The following DCAF6 variants were observed in gnomAD, a reference collection of about 807,000 sequenced individuals.
DCAF6 encodes DDB1- and CUL4-associated factor 6.
A neutral mutation model predicts 125.1 loss-of-function variants in DCAF6; 54 were observed. That is an observed-to-expected ratio of 0.43 (90% CI 0.35 to 0.54). DCAF6 has a LOEUF of 0.54. DCAF6 is among the 20% of genes least tolerant of loss of function. The pLI is 0.01. For synonymous variants in DCAF6, 371 were observed against 390.4 expected, an observed-to-expected ratio of 0.95 and a Z score of 0.58; for missense variants, 934 against 1,161.7, an observed-to-expected ratio of 0.80 and a Z score of 2.85.
the DCAF6 span, among the ~76,000 whole-genome samples, chr1:167,875,882 G>T: frequency 6.6e-6 from 1 of 152,244 alleles, no homozygotes; most frequent in Admixed American, 6.5e-5. Flanking sequence ...GAACCCGGGA[G>T]GGGGAGCTTG....
the DCAF6 span, among the ~76,000 whole-genome samples, chr1:167,891,662 A>G: frequency 5.3e-5 from 8 of 151,552 alleles, no homozygotes; most frequent in Non-Finnish European, 1.2e-4. Context: ...TCTCAAAAAA[A>G]AAAAAAAAAG....
chr1:167,924,548 A>AG, the DCAF6 span: 1 of 1,516,278 alleles, frequency 6.6e-7, no homozygotes, highest in Non-Finnish European at 8.8e-7. Flanking sequence ...CTGAAAAAAA[A>AG]AAGAAAAGAA....
chr1:167,928,278 G>C, the DCAF6 span, among the ~76,000 whole-genome samples: 1 of 151,074 alleles, frequency 6.6e-6, no homozygotes, highest in Non-Finnish European at 1.5e-5. Flanking sequence ...AAGCCGGGAG[G>C]TGGAGCTTGC....
At chr1:168,030,824 G>A (rs1686990909) in intron 12 of DCAF6, among the ~76,000 whole-genome samples, 1 of 152,188 alleles carries the variant, frequency 6.6e-6, no homozygotes, top group Non-Finnish European at 1.5e-5. Context: ...TTTATTTATA[G>A]TGCTTTGTGG....
At chr1:167,927,366 G>T in the DCAF6 span, among the ~76,000 whole-genome samples, 2 of 152,140 alleles carry the variant, frequency 1.3e-5, no homozygotes, top group African/African-American at 2.4e-5. Context: ...GAGATTCTGG[G>T]ATTCCTATCA....
chr1:168,036,327 C>T (rs897624439), intron 12 of DCAF6, among the ~76,000 whole-genome samples: 3 of 152,122 alleles, frequency 2.0e-5, no homozygotes, highest in African/African-American at 7.2e-5. Context: ...CTTCTCATAA[C>T]TTAAGAAGTC....
intron 10 of DCAF6, among the ~76,000 whole-genome samples, chr1:168,005,910 A>G (rs1020217026): frequency 2.6e-5 from 4 of 152,198 alleles, no homozygotes; most frequent in Non-Finnish European, 1.5e-5. Context: ...CTCAGTTGAC[A>G]TAGCATTTTA....
At chr1:167,906,708 G>C in the DCAF6 span, among the ~76,000 whole-genome samples, 1 of 152,020 alleles carries the variant, frequency 6.6e-6, no homozygotes, top group African/African-American at 2.4e-5. Context: ...AGGATGGCTT[G>C]AGCCCAGGAG....
At chr1:167,878,553 A>G in the DCAF6 span, 2 of 1,614,168 alleles carry the variant, frequency 1.2e-6, no homozygotes, top group East Asian at 2.2e-5. Flanking sequence ...GGTTGCTCCC[A>G]TTGTAGGTGA....
At chr1:167,994,199 G>A (rs1681297737) in intron 7 of DCAF6, among the ~76,000 whole-genome samples, 1 of 151,614 alleles carries the variant, frequency 6.6e-6, no homozygotes, top group South Asian at 2.1e-4. Flanking sequence ...GAATTATTAG[G>A]GATAAGGCTT....
chr1:167,966,800 C>T (rs1676485315), intron 3 of DCAF6, 79 bp downstream of exon 3: 3 of 854,044 alleles, frequency 3.5e-6, no homozygotes, highest in Non-Finnish European at 5.7e-6. Context: ...TGTGAACAGT[C>T]ATAGAATGGG....
the DCAF6 span, chr1:167,899,402 A>G: frequency 1.2e-6 from 2 of 1,612,908 alleles, no homozygotes; most frequent in Non-Finnish European, 1.7e-6. Context: ...AACTTTCTGT[A>G]AGTAGCAGCA....
intron 2 of DCAF6, among the ~76,000 whole-genome samples, chr1:167,964,224 A>G (rs996650310): frequency 3.3e-5 from 5 of 152,144 alleles, no homozygotes; most frequent in Non-Finnish European, 5.9e-5. Context: ...ATTTCTTGCA[A>G]AGTAGGTCTG....
At chr1:167,945,416 C>T (rs1672910164) in intron 1 of DCAF6, among the ~76,000 whole-genome samples, 2 of 151,954 alleles carry the variant, frequency 1.3e-5, no homozygotes. Flanking sequence ...TGTAGTTCTC[C>T]TTGTAGGGAT....
the DCAF6 span, chr1:167,880,430 C>A: frequency 8.2e-7 from 1 of 1,225,426 alleles, no homozygotes; most frequent in South Asian, 1.2e-5. Flanking sequence ...CCTGCATGCC[C>A]TCCCTACTTA....
rs869267755 is a variant in DCAF6 at position 168,041,894 on chromosome 1, G to GCACACA, written c.1728-1096_1728-1091dup. 1.1e-3 allele frequency among the ~76,000 whole-genome samples: 60 copies of GCACACA among 54,450 alleles called. 1 individual carries two copies. The highest frequency in any genetic ancestry group is 4.9e-3 in the African/African-American group (57 of 11,632). The allele number at this position is 54,450 out of a possible 152,430, so 35.7% of individuals were successfully genotyped here. On this transcript the variant is annotated intron_variant, in intron 13 of 21. Coordinates refer to ENST00000367840, the MANE Select transcript of DCAF6 (RefSeq NM_001198956.2). ...TTTAAAAGAAATACATGTTTGTCGCGCACACACACACACACACACACACAC... is the reference window on the plus strand; with the variant it reads ...TTTAAAAGAAATACATGTTTGTCGCGCACACACACACACACACACACACACACACAC...
intron 10 of DCAF6, among the ~76,000 whole-genome samples, chr1:168,008,064 G>T (rs1417033843): frequency 6.7e-6 from 1 of 148,228 alleles, no homozygotes; most frequent in Non-Finnish European, 1.5e-5. Context: ...CCCCCTCCTG[G>T]GTTCAAGCAA....
At chr1:168,062,004 A>G (rs1691654824) in intron 17 of DCAF6, among the ~76,000 whole-genome samples, 1 of 152,140 alleles carries the variant, frequency 6.6e-6, no homozygotes, top group Non-Finnish European at 1.5e-5. Context: ...TCGACAACCC[A>G]ATGTCCACCA....
At chr1:167,944,707 C>T (rs757738098) in intron 1 of DCAF6, among the ~76,000 whole-genome samples, 2 of 151,866 alleles carry the variant, frequency 1.3e-5, no homozygotes, top group Non-Finnish European at 2.9e-5. Context: ...GATATTAGTC[C>T]CCTGTTGGAT....
Sources: allele counts gnomAD v4.1 joint callset (sites outside exome capture counted in the v4.1 genomes callset), GRCh38; gene constraint gnomAD v4.1.1; transcripts MANE v1.5; gene names NCBI Gene and HGNC (gene_info 2026-07-23, HGNC 2026-07-21).